HMGCLL1: variants seen among roughly 807,000 people sequenced by gnomAD.
HMGCLL1 encodes 3-hydroxy-3-methylglutaryl-CoA lyase like 1, also known as 3-hydroxymethyl-3-methylglutaryl-CoA lyase, cytoplasmic.
Under a neutral mutation model 39.1 loss-of-function variants are expected in HMGCLL1, and 36 were observed. That is an observed-to-expected ratio of 0.92 (90% confidence interval 0.71 to 1.22). HMGCLL1 has a LOEUF of 1.22. Ranked by LOEUF, HMGCLL1 falls within the 50% of genes most tolerant of loss-of-function variation. The pLI is 0.00. For missense variants in HMGCLL1, 451 were observed against 416.5 expected, an observed-to-expected ratio of 1.08 and a Z score of -0.72; for synonymous variants, 149 against 144.0, an observed-to-expected ratio of 1.03 and a Z score of -0.25.
chr6:55,661,294 C>T, the HMGCLL1 span, among the ~76,000 whole-genome samples: 6 of 151,904 alleles, frequency 3.9e-5, no homozygotes, highest in Admixed American at 1.3e-4. Flanking sequence ...GTTGCCAGTT[C>T]CTATTTCCAG....
At chr6:55,476,780 AC>A (rs1712103472) in intron 7 of HMGCLL1, among the ~76,000 whole-genome samples, 2 of 151,562 alleles carry the variant, frequency 1.3e-5, no homozygotes, top group African/African-American at 4.8e-5. Flanking sequence ...TTATTAGGAT[AC>A]AGTGAAATAG....
intron 7 of HMGCLL1, among the ~76,000 whole-genome samples, chr6:55,459,141 C>T (rs1764449691): frequency 6.6e-6 from 1 of 152,102 alleles, no homozygotes; most frequent in Non-Finnish European, 1.5e-5. Flanking sequence ...GTATTTATGT[C>T]AGCTAAAGAG....
intron 1 of HMGCLL1, among the ~76,000 whole-genome samples, chr6:55,561,703 C>T (rs1486276400): frequency 6.6e-6 from 1 of 152,148 alleles, no homozygotes; most frequent in Non-Finnish European, 1.5e-5. Flanking sequence ...AACAACTCTT[C>T]TATCAGTATA....
the HMGCLL1 span, among the ~76,000 whole-genome samples, chr6:55,630,438 T>C: frequency 1.3e-5 from 2 of 152,148 alleles, no homozygotes; most frequent in Non-Finnish European, 2.9e-5. Flanking sequence ...GGATTTACCT[T>C]GTCTCAGATG....
intron 7 of HMGCLL1, among the ~76,000 whole-genome samples, chr6:55,485,487 A>G (rs1765977304): frequency 6.6e-6 from 1 of 151,360 alleles, no homozygotes; most frequent in Admixed American, 6.6e-5. Flanking sequence ...AATGTAAAGT[A>G]CATATGCATT....
At chr6:55,474,870 A>G (rs937490063) in intron 7 of HMGCLL1, among the ~76,000 whole-genome samples, 2 of 151,564 alleles carry the variant, frequency 1.3e-5, no homozygotes, top group Non-Finnish European at 1.5e-5. Context: ...TGCCTTTTCT[A>G]TATAAGGCGG....
the HMGCLL1 span, among the ~76,000 whole-genome samples, chr6:55,669,681 G>A: frequency 1.3e-5 from 2 of 150,842 alleles, no homozygotes; most frequent in African/African-American, 4.9e-5. Context: ...TCAAATGGAA[G>A]TTTTTGAAAT....
chr6:55,477,202 TAATATATATTATATTATAATA>T (rs1765369973), intron 7 of HMGCLL1, among the ~76,000 whole-genome samples: 1 of 24,264 alleles, frequency 4.1e-5, no homozygotes, highest in Non-Finnish European at 5.9e-5. Context: ...ATATATTATA[TAATATATATTATATTATAATA>T]TATAATATAT....
At chr6:55,637,438 T>C in the HMGCLL1 span, among the ~76,000 whole-genome samples, 1 of 132,178 alleles carries the variant, frequency 7.6e-6, no homozygotes, top group African/African-American at 3.0e-5. Flanking sequence ...TCACGAAAAA[T>C]TGGTCTGTTT....
intron 3 of HMGCLL1, among the ~76,000 whole-genome samples, chr6:55,527,722 A>G (rs1768398744): frequency 6.6e-6 from 1 of 152,080 alleles, no homozygotes; most frequent in African/African-American, 2.4e-5. Context: ...GAAGTTCTAC[A>G]TAAAGTTTTA....
intron 7 of HMGCLL1, among the ~76,000 whole-genome samples, chr6:55,441,617 G>T (rs1274891159): frequency 6.6e-6 from 1 of 152,020 alleles, no homozygotes; most frequent in African/African-American, 2.4e-5. Flanking sequence ...TAGTAGTCAG[G>T]TATCCTTAGC....
chr6:55,460,678 G>C (rs1195492788), intron 7 of HMGCLL1, among the ~76,000 whole-genome samples: 1 of 151,826 alleles, frequency 6.6e-6, no homozygotes, highest in East Asian at 1.9e-4. Context: ...AATTGTATAT[G>C]TTTATCTATC....
chr6:55,504,300 C>T (rs1008133727), intron 5 of HMGCLL1, among the ~76,000 whole-genome samples: 1 of 151,724 alleles, frequency 6.6e-6, no homozygotes, highest in African/African-American at 2.4e-5. Context: ...TTAATGACTT[C>T]ATTGTACTGG....
At chr6:55,656,781 A>G in the HMGCLL1 span, among the ~76,000 whole-genome samples, 1 of 151,992 alleles carries the variant, frequency 6.6e-6, no homozygotes, top group South Asian at 2.1e-4. Context: ...TAATAACACA[A>G]TATGATTTCA....
At chr6:55,636,782 T>G in the HMGCLL1 span, among the ~76,000 whole-genome samples, 5 of 152,140 alleles carry the variant, frequency 3.3e-5, no homozygotes, top group Non-Finnish European at 7.3e-5. Flanking sequence ...GTCAAAGTGA[T>G]GAACTGTTTA....
Position 55,483,116 on chromosome 6 carries a change from C to T in HMGCLL1, c.795+12303G>A, listed in dbSNP as rs182196930. Among the ~76,000 whole-genome samples the T allele has an allele frequency of 1.3e-3, 205 of 152,132 alleles. 1 individual carries two copies. The highest frequency in any genetic ancestry group is 1.7e-3 in the Non-Finnish European group (115 of 68,008). On this transcript the variant is annotated intron_variant, in intron 7 of 8. Coordinates refer to ENST00000274901, the MANE Select transcript of HMGCLL1 (RefSeq NM_001042406.2). ...TAACCTGAATAAATTGAAAAATACA[C>T]CAATTTCTTCGATGGGATGACTGAA...
At chr6:55,551,740 C>T (rs1770338337) in intron 1 of HMGCLL1, among the ~76,000 whole-genome samples, 1 of 152,016 alleles carries the variant, frequency 6.6e-6, no homozygotes, top group Non-Finnish European at 1.5e-5. Context: ...TAAATAAACC[C>T]CAATTGTAGC....
At chr6:55,633,928 A>G in the HMGCLL1 span, among the ~76,000 whole-genome samples, 1,676 of 152,276 alleles carry the variant, frequency 0.011, 106 homozygotes, top group Admixed American at 0.099. Flanking sequence ...TCTTCTGAAT[A>G]AATTTGCAAA....
At position 55,484,423 on chromosome 6, in the gene HMGCLL1, G is replaced by A. The variant is rs548599828; in HGVS notation, c.795+10996C>T. Among the ~76,000 whole-genome samples, 15 of 151,572 alleles carry A rather than the reference G, an allele frequency of 9.9e-5. No individual in the cohort carries two copies. In the South Asian group the frequency reaches 1.1e-3, roughly 11 times the overall value. Reference sequence around the variant, plus strand: ...TGGATTTAAATATGATCTATATGCCGCTTATTATATCCTCACTGAAGACTT... The same window carrying A: ...TGGATTTAAATATGATCTATATGCCACTTATTATATCCTCACTGAAGACTT... On this transcript the variant is annotated intron_variant, in intron 7 of 8. Coordinates refer to ENST00000274901, the MANE Select transcript of HMGCLL1 (RefSeq NM_001042406.2).
Sources: allele counts gnomAD v4.1 joint callset (sites outside exome capture counted in the v4.1 genomes callset), GRCh38; gene constraint gnomAD v4.1.1; transcripts MANE v1.5; gene names NCBI Gene and HGNC (gene_info 2026-07-23, HGNC 2026-07-21).